Variants in SP4 observed in about 807,000 individuals in gnomAD.
SP4 encodes the protein transcription factor Sp4.
In SP4, 19 loss-of-function variants were observed where a neutral mutation model predicts 72.8. The ratio of observed to expected loss-of-function variants is 0.26; its 90% CI spans 0.18 to 0.38. The LOEUF (loss-of-function observed/expected upper bound fraction) is 0.38. SP4 is among the 10% of genes least tolerant of loss of function. The probability of loss-of-function intolerance (pLI) is 1.00; values close to 1 mark genes in which losing one functional copy is unlikely to be tolerated. For missense variants in SP4, 1,008 were observed against 926.3 expected (o/e 1.09, Z -1.14); for synonymous variants, 395 against 333.1 (o/e 1.19, Z -2.02).
At chr7:21,499,495 C>T (rs1381370796) in intron 5 of SP4, among the ~76,000 whole-genome samples, 3 of 152,130 alleles carry the variant, frequency 2.0e-5, no homozygotes, top group African/African-American at 7.2e-5. Context: ...AGCAGTGCAG[C>T]TACAAACCAA....
chr7:21,440,097 T>TA (rs1442689829), intron 3 of SP4, among the ~76,000 whole-genome samples: 1 of 152,210 alleles, frequency 6.6e-6, no homozygotes, highest in Non-Finnish European at 1.5e-5. Context: ...CACATGTACT[T>TA]AGAGGCTTCG....
At chr7:21,448,766 T>C (rs1783500504) in intron 3 of SP4, among the ~76,000 whole-genome samples, 1 of 152,244 alleles carries the variant, frequency 6.6e-6, no homozygotes, top group Non-Finnish European at 1.5e-5. Flanking sequence ...TTATTATGTG[T>C]GTATGTTTAA....
intron 3 of SP4, among the ~76,000 whole-genome samples, chr7:21,474,780 A>G (rs1411610391): frequency 6.6e-6 from 1 of 152,192 alleles, no homozygotes; most frequent in African/African-American, 2.4e-5. Context: ...CTTCACTTGC[A>G]TTGCTTTACT....
chr7:21,511,469 C>T lies in SP4; in HGVS notation c.*200C>T. ...AAAAAGCAGACTGATGTACTGGAAA[C>T]AGAAAAGTATTTCCTCCATACTATA... is the stretch of plus-strand genomic sequence containing the variant. On this transcript the variant is annotated 3_prime_UTR_variant, in exon 6 of 6. Transcript: ENST00000222584. The T allele has an allele frequency of 1.8e-6, 1 of 550,922 alleles. No individual in the cohort carries two copies. The highest frequency in any genetic ancestry group is 2.9e-5 in the East Asian group (1 of 33,922). 34.1% of individuals were successfully genotyped at this position (550,922 alleles called of 1,614,324 possible). A position where few individuals can be genotyped will look rare whatever the true frequency, so the allele number is the denominator to read the frequency against.
At chr7:21,458,043 C>T (rs550466724) in intron 3 of SP4, among the ~76,000 whole-genome samples, 7 of 152,138 alleles carry the variant, frequency 4.6e-5, no homozygotes, top group African/African-American at 1.2e-4. Context: ...TTATAACTTT[C>T]GAAGAAGAAA....
rs1233063732 is a variant in SP4, at chr7:21,429,706, A to T, written c.541A>T (p.Ile181Phe). The change falls in exon 3 of 6, where the codon ATC becomes TTC. Residue 181 changes from isoleucine (I) to phenylalanine (F), a missense_variant. Ile to Phe is a conservative substitution (Grantham distance 21). This residue lies in a region of SP4 where 893 missense variants were observed against 743.3 expected (regional missense o/e 1.20). Transcript: ENST00000222584. ...GACAGTGGAAGGTCAACAAATTCAA[A>T]TCAATCCAACTAGTAGTTCATCTCT... is the stretch of plus-strand genomic sequence containing the variant. Reference protein sequence around the residue: ...LQTVEGQQIQINPTSSSSLQD... With the variant: ...LQTVEGQQIQFNPTSSSSLQD... 4 of 1,614,200 alleles carry T rather than the reference A, an allele frequency of 2.5e-6. No homozygotes were observed. The highest frequency in any genetic ancestry group is 3.4e-6 in the Non-Finnish European group (4 of 1,180,034).
intron 5 of SP4, among the ~76,000 whole-genome samples, chr7:21,488,001 C>T (rs1208694256): frequency 6.6e-6 from 1 of 151,878 alleles, no homozygotes. Flanking sequence ...GTAGCTGGGA[C>T]CACAGGTGCA....
chr7:21,450,720 A>G (rs1783564532), intron 3 of SP4, among the ~76,000 whole-genome samples: 1 of 152,216 alleles, frequency 6.6e-6, no homozygotes, highest in African/African-American at 2.4e-5. Flanking sequence ...AAAATCTTTC[A>G]TATACTACAT....
chr7:21,514,602 A>C lies in SP4; in HGVS notation c.*3333A>C, dbSNP rs531895781. 1.6e-4 allele frequency: 24 copies of C among 152,090 alleles called. No homozygotes were observed. The South Asian group carries it at 5.0e-3, about 32-fold the overall frequency. 9.4% of individuals were successfully genotyped at this position (152,090 alleles called of 1,614,324 possible). On this transcript the variant is annotated 3_prime_UTR_variant, in exon 6 of 6. Coordinates refer to ENST00000222584, the MANE Select transcript of SP4 (RefSeq NM_003112.5). Reference sequence around the variant, plus strand: ...GTTTCCCATATTCTAGAATTTAGACAATTATTCTGCCAGCAAAGCCTCTGG... The same window carrying C: ...GTTTCCCATATTCTAGAATTTAGACCATTATTCTGCCAGCAAAGCCTCTGG...
intron 3 of SP4, among the ~76,000 whole-genome samples, chr7:21,432,584 A>G (rs1782900077): frequency 6.6e-6 from 1 of 152,212 alleles, no homozygotes; most frequent in Non-Finnish European, 1.5e-5. Flanking sequence ...CCAAACTTAG[A>G]TTAACTTGAA....
Position 21,430,030 on chromosome 7 carries a change from A to C in SP4, c.865A>C (p.Thr289Pro). ...GTGQVGQPAA[T>P]ADSGTSNGNQ... ...TGGGCAGGTTGGCCAGCCTGCTGCT[A>C]CTGCTGATAGTGGGACTTCCAATGG... Residue 289 changes from threonine (T) to proline (P), a missense_variant, in exon 3 of 6, where the codon ACT becomes CCT. Coordinates refer to ENST00000222584, the MANE Select transcript of SP4 (RefSeq NM_003112.5). 6.2e-7 allele frequency: 1 copy of C among 1,614,186 alleles called. No individual in the cohort carries two copies. Among genetic ancestry groups the C allele is most frequent in the Non-Finnish European group, 8.5e-7 (1 of 1,180,028 alleles).
intron 5 of SP4, among the ~76,000 whole-genome samples, chr7:21,509,485 C>A (rs1454495796): frequency 1.4e-5 from 2 of 147,964 alleles, no homozygotes; most frequent in African/African-American, 5.0e-5. Context: ...TTTTTTAATA[C>A]TTGGTTTTAA....
chr7:21,476,705 T>G (rs184276358), intron 3 of SP4, among the ~76,000 whole-genome samples: 21 of 152,322 alleles, frequency 1.4e-4, no homozygotes, highest in African/African-American at 4.3e-4. Flanking sequence ...TAATAAAGCT[T>G]TGTGTTTATA....
chr7:21,432,918 C>A (rs115802836), intron 3 of SP4, among the ~76,000 whole-genome samples: 1 of 152,132 alleles, frequency 6.6e-6, no homozygotes, highest in Non-Finnish European at 1.5e-5. Context: ...CGCTTGTACC[C>A]GGGGGATCCA....
chr7:21,486,249 TAGAGA>T (rs1184571002), intron 5 of SP4, among the ~76,000 whole-genome samples: 5 of 152,006 alleles, frequency 3.3e-5, no homozygotes, highest in African/African-American at 1.2e-4. Context: ...ATTTTATACT[TAGAGA>T]AGAGTTGCAA....
At chr7:21,462,179 A>G (rs1209144110) in intron 3 of SP4, among the ~76,000 whole-genome samples, 1 of 151,938 alleles carries the variant, frequency 6.6e-6, no homozygotes, top group African/African-American at 2.4e-5. Context: ...GTGTGCTGCC[A>G]CCAGGCCCAG....
chr7:21,442,039 T>TGTA (rs572129886), intron 3 of SP4, among the ~76,000 whole-genome samples: 1 of 25,060 alleles, frequency 4.0e-5, no homozygotes, highest in Admixed American at 2.1e-4. Context: ...TGTGTGTGTA[T>TGTA]TTTTTTTTTT....
chr7:21,428,536 C>T lies in SP4; in HGVS notation c.8-141C>T, dbSNP rs536019190. On this transcript the variant is annotated intron_variant, in intron 1 of 5. Transcript: ENST00000222584. ...TCCTCCCTTCCCTCCTTCTCCCCCACCCCCTGCCGGTGTGCGTGGATCGCG... is the reference window on the plus strand; with the variant it reads ...TCCTCCCTTCCCTCCTTCTCCCCCATCCCCTGCCGGTGTGCGTGGATCGCG... The T allele has an allele frequency of 7.3e-6, 7 of 961,572 alleles. No individual in the cohort carries two copies. The African/African-American group carries it at 8.2e-5, about 11-fold the overall frequency. The allele number at this position is 961,572 out of a possible 1,614,324, so 59.6% of individuals were successfully genotyped here.
chr7:21,484,060 T>G (rs1784754184), intron 5 of SP4, among the ~76,000 whole-genome samples: 1 of 151,850 alleles, frequency 6.6e-6, no homozygotes, highest in South Asian at 2.1e-4. Flanking sequence ...AGCTCCATTT[T>G]AAGATTAGAA....
Sources: gnomAD v4.1 joint callset for allele counts (sites outside exome capture counted in the v4.1 genomes callset) on GRCh38, gnomAD v4.1.1 for gene constraint, gnomAD v4.1.1 regional missense constraint, MANE v1.5 for transcripts, NCBI Gene and HGNC (gene_info 2026-07-23, HGNC 2026-07-21) for gene names.